TUT4: variants seen among roughly 807,000 people sequenced by gnomAD.
The protein encoded by TUT4 is terminal uridylyl transferase 4, also known as terminal uridylyltransferase 4.
In TUT4, 36 loss-of-function variants were observed where a neutral mutation model predicts 192.2. That is an observed-to-expected ratio of 0.19 (90% CI 0.14 to 0.25). The LOEUF (loss-of-function observed/expected upper bound fraction) is 0.25. Ranked by LOEUF, TUT4 falls within the 10% of genes least tolerant of loss-of-function variation. TUT4 has a pLI of 1.00. For missense variants in TUT4, 1,493 were observed against 1,957.2 expected, an observed-to-expected ratio of 0.76 and a Z score of 4.47; for synonymous variants, 618 against 666.0, an observed-to-expected ratio of 0.93 and a Z score of 1.11.
At chr1:52,525,054 A>G (rs1166388153) in intron 2 of TUT4, among the ~76,000 whole-genome samples, 1 of 152,136 alleles carries the variant, frequency 6.6e-6, no homozygotes, top group African/African-American at 2.4e-5. Context: ...TGCTCTCTCA[A>G]CTTCAATTAA....
At chr1:52,484,295 T>A (rs1208693241) in intron 9 of TUT4, among the ~76,000 whole-genome samples, 3 of 152,194 alleles carry the variant, frequency 2.0e-5, no homozygotes, top group Non-Finnish European at 4.4e-5. Flanking sequence ...ACAGTACAAC[T>A]ATTTACAGAG....
chr1:52,454,616 G>A (rs965530074), intron 20 of TUT4, among the ~76,000 whole-genome samples: 1 of 151,966 alleles, frequency 6.6e-6, no homozygotes, highest in African/African-American at 2.4e-5. Flanking sequence ...TAAAACTCCT[G>A]GAAGAAAACA....
intron 14 of TUT4, among the ~76,000 whole-genome samples, chr1:52,469,103 CT>C (rs1431868292): frequency 7.9e-5 from 12 of 152,248 alleles, no homozygotes; most frequent in Non-Finnish European, 1.5e-4. Context: ...GTATGACACT[CT>C]AATGGTGGAT....
intron 8 of TUT4, among the ~76,000 whole-genome samples, chr1:52,489,932 T>C (rs763501422): frequency 5.3e-5 from 8 of 152,166 alleles, no homozygotes; most frequent in Non-Finnish European, 8.8e-5. Flanking sequence ...CTGTATTGTT[T>C]CCATGTCTCC....
chr1:52,474,034 C>T (rs1212769257), intron 13 of TUT4, among the ~76,000 whole-genome samples: 3 of 151,954 alleles, frequency 2.0e-5, no homozygotes, highest in East Asian at 1.9e-4. Flanking sequence ...TGGCGAAATC[C>T]CATCTCTACA....
rs908687717 is a variant in TUT4, at chr1:52,440,433, GTTTT to G, written c.3823-2102_3823-2099del. Among the ~76,000 whole-genome samples the G allele has an allele frequency of 1.1e-4, 12 of 110,162 alleles. No homozygotes were observed. In the South Asian group the frequency reaches 2.1e-3, roughly 19 times the overall value. 72.3% of individuals were successfully genotyped at this position (110,162 alleles called of 152,430 possible). ...GCATGAGCCACCATGCCCATCCTGTGTTTTTTTTTTTTTTTTTTTTTTAAAGACA... is the reference window on the plus strand; with the variant it reads ...GCATGAGCCACCATGCCCATCCTGTGTTTTTTTTTTTTTTTTTTAAAGACA... On this transcript the variant is annotated intron_variant, in intron 24 of 29. Coordinates refer to ENST00000257177, the MANE Select transcript of TUT4 (RefSeq NM_001009881.3).
chr1:52,497,899 T>C (rs1220056228), intron 4 of TUT4, among the ~76,000 whole-genome samples: 1 of 152,228 alleles, frequency 6.6e-6, no homozygotes, highest in Non-Finnish European at 1.5e-5. Flanking sequence ...TTATTTAGTA[T>C]TATTAACACA....
chr1:52,499,687 TTGCACCAC>T (rs1349856863), intron 4 of TUT4, among the ~76,000 whole-genome samples: 1 of 151,812 alleles, frequency 6.6e-6, no homozygotes, highest in Non-Finnish European at 1.5e-5. Context: ...TGAAATGAGA[TTGCACCAC>T]TGCAGTCCAG....
intron 16 of TUT4, chr1:52,462,175 C>CTTTTTTTT (rs1210058850): frequency 9.1e-5 from 11 of 121,060 alleles, no homozygotes; most frequent in Non-Finnish European, 1.4e-4. Flanking sequence ...GGATTCAAAT[C>CTTTTTTTT]TTTTTTTTTT....
chr1:52,539,768 G>A (rs1685988661), intron 1 of TUT4, among the ~76,000 whole-genome samples: 1 of 151,820 alleles, frequency 6.6e-6, no homozygotes, highest in Non-Finnish European at 1.5e-5. Context: ...TTAGCTGGGA[G>A]TGGTGGCTCA....
At chr1:52,496,850 G>A (rs1557850775) in intron 5 of TUT4, among the ~76,000 whole-genome samples, 156 bp downstream of exon 5, 1 of 152,058 alleles carries the variant, frequency 6.6e-6, no homozygotes, top group Non-Finnish European at 1.5e-5. Flanking sequence ...TTCCTTGTGT[G>A]AAATATTTCC....
At chr1:52,454,761 G>A (rs912555272) in intron 20 of TUT4, among the ~76,000 whole-genome samples, 7 of 152,048 alleles carry the variant, frequency 4.6e-5, no homozygotes, top group African/African-American at 1.4e-4. Context: ...AAAAGACAAC[G>A]TCAAGGGAAT....
chr1:52,550,075 T>G (rs1479226205), intron 1 of TUT4, among the ~76,000 whole-genome samples: 1 of 152,138 alleles, frequency 6.6e-6, no homozygotes, highest in Non-Finnish European at 1.5e-5. Flanking sequence ...TCAGAGTGTG[T>G]GGTTTATTTG....
intron 1 of TUT4, among the ~76,000 whole-genome samples, chr1:52,549,502 C>T (rs1319168833): frequency 6.6e-6 from 1 of 152,130 alleles, no homozygotes; most frequent in Non-Finnish European, 1.5e-5. Flanking sequence ...TCTTCCCTCT[C>T]AACTCCCACA....
intron 14 of TUT4, among the ~76,000 whole-genome samples, chr1:52,471,064 T>C (rs954627431): frequency 7.1e-6 from 1 of 141,180 alleles, no homozygotes; most frequent in Non-Finnish European, 1.5e-5. Flanking sequence ...TTGCCCGGGC[T>C]GGAGTGCAGT....
chr1:52,447,780 C>G (rs1159141280), intron 20 of TUT4, among the ~76,000 whole-genome samples: 1 of 152,176 alleles, frequency 6.6e-6, no homozygotes, highest in Non-Finnish European at 1.5e-5. Context: ...AATCATCTCC[C>G]TAAGTGCTCA....
At chr1:52,513,608 G>A (rs1057273746) in intron 3 of TUT4, among the ~76,000 whole-genome samples, 1 of 152,052 alleles carries the variant, frequency 6.6e-6, no homozygotes, top group African/African-American at 2.4e-5. Context: ...CAAATAAAAT[G>A]TTTTCCAATG....
chr1:52,458,298 T>C (rs2148654646), intron 20 of TUT4, 38 bp downstream of exon 20: 1 of 1,512,112 alleles, frequency 6.6e-7, no homozygotes, highest in Non-Finnish European at 9.1e-7. Context: ...TCTATTGTTT[T>C]CAAAAAAAAC....
At chr1:52,459,924 G>A (rs1662101340) in intron 19 of TUT4, among the ~76,000 whole-genome samples, 1 of 151,970 alleles carries the variant, frequency 6.6e-6, no homozygotes, top group Non-Finnish European at 1.5e-5. Context: ...AAATATAGGG[G>A]AGGGGGGAGA....
Sources: gnomAD v4.1 joint callset for allele counts (sites outside exome capture counted in the v4.1 genomes callset) on GRCh38, gnomAD v4.1.1 for gene constraint, MANE v1.5 for transcripts, NCBI Gene and HGNC (gene_info 2026-07-23, HGNC 2026-07-21) for gene names.